Variants in OVGP1 observed in about 807,000 individuals in gnomAD.
OVGP1 encodes the protein oviductal glycoprotein 1.
In OVGP1, 26 loss-of-function variants were observed where a neutral mutation model predicts 48.2. That is an observed-to-expected ratio of 0.54 (90% confidence interval 0.40 to 0.75). The LOEUF (loss-of-function observed/expected upper bound fraction) is 0.75. Among genes scored for constraint, OVGP1 ranks in the 30% least tolerant of loss-of-function variants. The pLI, the probability that OVGP1 is intolerant of heterozygous loss-of-function variation, is 0.00. For missense variants in OVGP1, 791 were observed against 820.6 expected (o/e 0.96, Z 0.44); for synonymous variants, 294 against 305.7 (o/e 0.96, Z 0.40).
At position 111,425,440 on chromosome 1, in the gene OVGP1, C is replaced by T. The variant is rs1481209148; in HGVS notation, c.261-1G>A. ...CAGTAGTGTTTTCAGCTCTCTGTTC[C>T]TATGATGTGAGAGAGAGGGTTGATG... On this transcript the variant is annotated splice_acceptor_variant, in intron 3 of 10. Coordinates refer to ENST00000369732, the MANE Select transcript of OVGP1 (RefSeq NM_002557.4). LOFTEE classifies it high-confidence loss of function. The T allele has an allele frequency of 3.1e-6, 5 of 1,613,964 alleles. No individual in the cohort carries two copies. Among genetic ancestry groups the T allele is most frequent in the Non-Finnish European group, 4.2e-6 (5 of 1,179,980 alleles).
chr1:111,416,302 T>G (rs1652133680), intron 10 of OVGP1, 21 bp downstream of exon 10: 1 of 1,547,406 alleles, frequency 6.5e-7, no homozygotes, highest in African/African-American at 1.4e-5. Flanking sequence ...CAACCCCAGC[T>G]TCTAGGTCAC....
At chr1:111,416,262 GCCTTA>G in intron 10 of OVGP1, 56 bp downstream of exon 10, 1 of 1,467,110 alleles carries the variant, frequency 6.8e-7, no homozygotes, top group Non-Finnish European at 9.1e-7. Flanking sequence ...TAGCAGAAGG[GCCTTA>G]CCCAGTGCTT....
chr1:111,426,840 C>T, intron 2 of OVGP1, 199 bp from the exon 3 acceptor site: 2 of 1,547,814 alleles, frequency 1.3e-6, no homozygotes, highest in African/African-American at 1.4e-5. Flanking sequence ...GAAAACAATG[C>T]CTTGTGAAAT....
At chr1:111,426,684 G>A in intron 2 of OVGP1, 43 bp from the exon 3 acceptor site, 1 of 1,595,648 alleles carries the variant, frequency 6.3e-7, no homozygotes, top group East Asian at 2.3e-5. Context: ...AACCAAGGGA[G>A]GGGATGGAGC....
At position 111,416,567 on chromosome 1, in the gene OVGP1, A is replaced by G. The variant is rs148004112; in HGVS notation, c.1021-109T>C. On this transcript the variant is annotated intron_variant, in intron 9 of 10. Coordinates refer to ENST00000369732, the MANE Select transcript of OVGP1 (RefSeq NM_002557.4). The stretch of plus-strand genomic sequence containing the variant: ...CAGGAAGCAATGTAGCTGGGTGGTT[A>G]GGAGTGTAGCCAGCATTTGAATCTA... 114 of 939,098 alleles carry G rather than the reference A, an allele frequency of 1.2e-4. 1 individual carries two copies. The East Asian group carries it at 3.0e-3, about 25-fold the overall frequency. The allele number at this position is 939,098 out of a possible 1,614,324, so 58.2% of individuals were successfully genotyped here. A position where few individuals can be genotyped will look rare whatever the true frequency, so the allele number is the denominator to read the frequency against.
In OVGP1 at chr1:111,415,197, A is replaced by C; in HGVS notation, c.1304T>G (p.Ile435Ser). ...PPGGEAGVTE[I>S]HGKCENMTIT... ...AGTCATATTTTCACACTTTCCGTGG[A>C]TCTCAGTGACCCCAGCCTCTCCTCC... Residue 435 changes from isoleucine to serine, a missense_variant, in exon 11 of 11, where the codon ATC (isoleucine) becomes AGC (serine). Physicochemically the swap from Ile to Ser is moderately radical, Grantham distance 142. Transcript: ENST00000369732. The C allele has an allele frequency of 6.2e-7, 1 of 1,614,212 alleles. No homozygotes were observed.
intron 8 of OVGP1, 58 bp from the exon 9 acceptor site, chr1:111,419,784 G>T: frequency 1.0e-6 from 1 of 999,620 alleles, no homozygotes; most frequent in Non-Finnish European, 1.6e-6. Context: ...AGCACCAAGA[G>T]ACAGTTGTTC....
intron 9 of OVGP1, among the ~76,000 whole-genome samples, chr1:111,418,629 C>T (rs186936123): frequency 1.6e-4 from 25 of 152,268 alleles, no homozygotes; most frequent in East Asian, 1.4e-3. Flanking sequence ...TGCCACATTC[C>T]GACAATTTCT....
At chr1:111,423,813 G>A in intron 4 of OVGP1, 105 bp from the exon 5 acceptor site, 2 of 1,106,322 alleles carry the variant, frequency 1.8e-6, no homozygotes, top group South Asian at 1.5e-5. Flanking sequence ...TGGCAGATGT[G>A]GCTGGAGGAA....
rs766986105 is a variant in OVGP1 at position 111,427,689 on chromosome 1, A to G, written c.25+8T>C. On this transcript the variant is annotated splice_region_variant and intron_variant, in intron 1 of 10. Coordinates refer to ENST00000369732, the MANE Select transcript of OVGP1 (RefSeq NM_002557.4). ...CTGAGTGACACTGCTGGGACCTGCCACACTCACCAACCCACAGCAACAGCT... is the reference window on the plus strand; with the variant it reads ...CTGAGTGACACTGCTGGGACCTGCCGCACTCACCAACCCACAGCAACAGCT... The G allele has an allele frequency of 3.7e-6, 6 of 1,613,130 alleles. No individual in the cohort carries two copies. Among genetic ancestry groups the G allele is most frequent in the Non-Finnish European group, 5.1e-6 (6 of 1,179,842 alleles).
At position 111,415,043 on chromosome 1, in the gene OVGP1, G is replaced by A. The variant is rs1179433198; in HGVS notation, c.1458C>T (p.Ser486=). Residue 486 remains serine, a synonymous_variant, in exon 11 of 11, where the codon TCC becomes TCT. Transcript: ENST00000369732. ...AMTMTSVGHQ[S]MTPGEKALTP... is the part of the protein sequence containing the mutation. ...TCAGGGCCTTCTCTCCAGGGGTCAT[G>A]GACTGATGACCCACAGAAGTCATGG... is the stretch of plus-strand genomic sequence containing the variant. The A allele has an allele frequency of 6.2e-7, 1 of 1,612,766 alleles. No homozygotes were observed. The highest frequency in any genetic ancestry group is 1.3e-5 in the African/African-American group (1 of 74,832).
chr1:111,418,757 A>C (rs899643946), intron 9 of OVGP1, among the ~76,000 whole-genome samples: 4 of 152,184 alleles, frequency 2.6e-5, no homozygotes, highest in Non-Finnish European at 4.4e-5. Flanking sequence ...ATTTGGAAGG[A>C]TCATATATGG....
At chr1:111,417,264 T>C (rs1389500185) in intron 9 of OVGP1, among the ~76,000 whole-genome samples, 1 of 152,266 alleles carries the variant, frequency 6.6e-6, no homozygotes, top group East Asian at 1.9e-4. Flanking sequence ...ACCGTGATGC[T>C]ATAAAATACA....
At chr1:111,426,775 C>T (rs747973687) in intron 2 of OVGP1, 134 bp from the exon 3 acceptor site, 2 of 1,548,650 alleles carry the variant, frequency 1.3e-6, no homozygotes, top group South Asian at 2.4e-5. Context: ...CCCTGAAGTA[C>T]ACCTCAGAAC....
chr1:111,425,314 CCT>C (rs1557784979), intron 4 of OVGP1, 67 bp downstream of exon 4: 18 of 1,589,778 alleles, frequency 1.1e-5, no homozygotes, highest in East Asian at 2.3e-5. Flanking sequence ...CTGCCTTCCC[CCT>C]CTGTCTTCAC....
chr1:111,420,446 C>T (rs954412028), intron 8 of OVGP1, among the ~76,000 whole-genome samples: 2 of 152,302 alleles, frequency 1.3e-5, no homozygotes, highest in Middle Eastern at 6.8e-3. Context: ...ATCCATCCAG[C>T]GCAGAGCAGA....
chr1:111,414,737 C>T lies in OVGP1; in HGVS notation c.1764G>A (p.Gln588=). Residue 588 remains glutamine (Q), a synonymous_variant, in exon 11 of 11, where the codon CAG becomes CAA. Transcript: ENST00000369732. ...SRNISVTPEG[Q]TMPLRGENLT... is the part of the protein sequence containing the mutation. ...AATTCTCCCCTCTTAAAGGCATAGT[C>T]TGCCCTTCAGGGGTGACTGATATGT... 6.2e-7 allele frequency: 1 copy of T among 1,613,616 alleles called. No individual in the cohort carries two copies. The highest frequency in any genetic ancestry group is 8.5e-7 in the Non-Finnish European group (1 of 1,179,550).
chr1:111,421,287 C>A lies in OVGP1; in HGVS notation c.892G>T (p.Ala298Ser). The change falls in exon 8 of 11, where the codon GCT (alanine) becomes TCT (serine). Residue 298 changes from alanine (A) to serine (S), a missense_variant. Coordinates refer to ENST00000369732, the MANE Select transcript of OVGP1 (RefSeq NM_002557.4). Reference sequence around the variant, plus strand: ...GATATTCCCATCACCTCAAAATAAGCCAAGAAGCCTTCTTGCTTGGTGTAC... The same window carrying A: ...GATATTCCCATCACCTCAAAATAAGACAAGAAGCCTTCTTGCTTGGTGTAC... ...GKYTKQEGFL[A>S]YFEICSFVWG... 1 of 1,604,438 alleles carries A rather than the reference C, an allele frequency of 6.2e-7. No individual in the cohort carries two copies. The highest frequency in any genetic ancestry group is 8.5e-7 in the Non-Finnish European group (1 of 1,176,026).
chr1:111,414,484 CAG>C lies in OVGP1; in HGVS notation c.2015_2016del (p.Ser672CysfsTer4), dbSNP rs755314471. 9 of 1,612,660 alleles carry C rather than the reference CAG, an allele frequency of 5.6e-6. No individual in the cohort carries two copies. The highest frequency in any genetic ancestry group is 2.7e-5 in the African/African-American group (2 of 74,772). On this transcript the variant is annotated frameshift_variant, in exon 11 of 11. Transcript: ENST00000369732. LOFTEE classifies it high-confidence loss of function. ...LSLKKEIPEN[S>X]AVDEEA Reference sequence around the variant, plus strand: ...GGGGCTTAGGCTTCTTCATCCACAGCAGAGTTTTCTGGGATTTCTTTTTTTAG... The same window carrying C: ...GGGGCTTAGGCTTCTTCATCCACAGCAGTTTTCTGGGATTTCTTTTTTTAG...
Sources: allele counts gnomAD v4.1 joint callset (sites outside exome capture counted in the v4.1 genomes callset), GRCh38; gene constraint gnomAD v4.1.1; transcripts MANE v1.5; gene names NCBI Gene and HGNC (gene_info 2026-07-23, HGNC 2026-07-21).